The following SMYD3 variants were observed in gnomAD, a reference collection of about 807,000 sequenced individuals.
SMYD3 encodes histone-lysine N-methyltransferase SMYD3.
In SMYD3, 36 loss-of-function variants were observed where a neutral mutation model predicts 57.7. The observed-to-expected ratio is 0.62, with a 90% CI of 0.48 to 0.82. The LOEUF is 0.82. Among genes scored for constraint, SMYD3 ranks in the 40% least tolerant of loss-of-function variants. SMYD3 has a pLI of 0.00. For synonymous variants in SMYD3, 211 were observed against 195.0 expected (o/e 1.08, Z -0.68); for missense variants, 515 against 538.8 (o/e 0.96, Z 0.44).
chr1:246,232,249 CGACACCAGGA>C (rs2063420176), intron 5 of SMYD3, among the ~76,000 whole-genome samples: 1 of 152,032 alleles, frequency 6.6e-6, no homozygotes, highest in African/African-American at 2.4e-5. Flanking sequence ...AAAACGAAGG[CGACACCAGGA>C]GAATTAGGCA....
chr1:245,926,880 C>G (rs975466697), intron 7 of SMYD3, among the ~76,000 whole-genome samples: 75 of 152,176 alleles, frequency 4.9e-4, no homozygotes, highest in African/African-American at 1.7e-3. Context: ...AGAGAAAAAA[C>G]TACATTGTCC....
chr1:246,474,993 C>G (rs2068009387), intron 1 of SMYD3, among the ~76,000 whole-genome samples: 1 of 152,124 alleles, frequency 6.6e-6, no homozygotes, highest in Admixed American at 6.5e-5. Context: ...TCCCCAACTA[C>G]AACCTCACAG....
chr1:246,491,553 A>C (rs1343751555), intron 1 of SMYD3, among the ~76,000 whole-genome samples: 1 of 150,398 alleles, frequency 6.6e-6, no homozygotes, highest in Non-Finnish European at 1.5e-5. Flanking sequence ...ATAAAAAAAA[A>C]AAAAAAAGAG....
At chr1:246,307,878 G>A (rs2065013845) in intron 5 of SMYD3, among the ~76,000 whole-genome samples, 1 of 152,146 alleles carries the variant, frequency 6.6e-6, no homozygotes, top group Non-Finnish European at 1.5e-5. Flanking sequence ...TGAACCAGCA[G>A]CAAGAAGCTC....
intron 10 of SMYD3, among the ~76,000 whole-genome samples, chr1:245,791,119 C>T (rs1456029222): frequency 6.6e-6 from 1 of 152,142 alleles, no homozygotes; most frequent in Non-Finnish European, 1.5e-5. Context: ...AAAGCTACAT[C>T]CCTACCAGAC....
At chr1:245,994,009 T>C (rs1305277265) in intron 5 of SMYD3, among the ~76,000 whole-genome samples, 1 of 152,234 alleles carries the variant, frequency 6.6e-6, no homozygotes, top group African/African-American at 2.4e-5. Context: ...TCGCTTTAGA[T>C]GCATAGAAAA....
intron 5 of SMYD3, among the ~76,000 whole-genome samples, chr1:246,324,645 G>A (rs941835552): frequency 6.6e-6 from 1 of 151,670 alleles, no homozygotes; most frequent in Non-Finnish European, 1.5e-5. Context: ...ATGTTGACCC[G>A]CTTTCCACAG....
At chr1:245,930,712 G>A (rs1164932117) in intron 5 of SMYD3, 1 of 152,212 alleles carries the variant, frequency 6.6e-6, no homozygotes, top group East Asian at 1.9e-4. Flanking sequence ...GAGGAAAAGA[G>A]CAGTGAAGAA....
intron 5 of SMYD3, among the ~76,000 whole-genome samples, chr1:246,246,820 A>G (rs2063711319): frequency 6.7e-6 from 1 of 148,984 alleles, no homozygotes; most frequent in African/African-American, 2.5e-5. Context: ...TAACATTTAC[A>G]CTATATATAT....
intron 10 of SMYD3, among the ~76,000 whole-genome samples, chr1:245,854,603 CT>C (rs2051138726): frequency 6.6e-6 from 1 of 152,120 alleles, no homozygotes; most frequent in African/African-American, 2.4e-5. Flanking sequence ...TTCTCTCTCT[CT>C]CTCTCTTTTT....
chr1:245,843,214 C>T (rs2050489330), intron 10 of SMYD3, among the ~76,000 whole-genome samples: 1 of 152,026 alleles, frequency 6.6e-6, no homozygotes, highest in African/African-American at 2.4e-5. Context: ...GCAACACAGG[C>T]CAGGGATCAC....
At chr1:245,868,663 GA>G (rs1187271827) in intron 8 of SMYD3, among the ~76,000 whole-genome samples, 1 of 152,152 alleles carries the variant, frequency 6.6e-6, no homozygotes, top group Non-Finnish European at 1.5e-5. Context: ...TAAACATTTA[GA>G]AATGATACCT....
chr1:246,448,483 C>A lies in SMYD3; in HGVS notation c.164+58571G>T, dbSNP rs374140790. Among the ~76,000 whole-genome samples, 8 of 152,138 alleles carry A rather than the reference C, an allele frequency of 5.3e-5. No individual in the cohort carries two copies. In the South Asian group the frequency reaches 1.7e-3, roughly 32 times the overall value. On this transcript the variant is annotated intron_variant, in intron 1 of 11. Transcript: ENST00000490107. ...CATATCTACTGAGAGACTAAATAAA[C>A]AAATGGTCAAAGGCCAGATCGTAGG...
At position 246,352,157 on chromosome 1, in the gene SMYD3, A is replaced by G. The variant is rs1424643062; in HGVS notation, c.228+2874T>C. Among the ~76,000 whole-genome samples the G allele has an allele frequency of 3.3e-3, 503 of 150,294 alleles. 18 individuals are homozygous for G. The highest frequency in any genetic ancestry group is 6.8e-3 in the Middle Eastern group (2 of 294). On this transcript the variant is annotated intron_variant, in intron 2 of 11. Coordinates refer to ENST00000490107, the MANE Select transcript of SMYD3 (RefSeq NM_001167740.2). ...GTCTCAAAAAAAAAAAAAAAAAAAA[A>G]AAAAAACATAAAGAAAGAAATGTGA...
At chr1:246,356,387 T>C (rs1271885519) in intron 1 of SMYD3, among the ~76,000 whole-genome samples, 3 of 152,100 alleles carry the variant, frequency 2.0e-5, no homozygotes, top group Non-Finnish European at 4.4e-5. Context: ...AAACAAGCTC[T>C]TTAACACCCC....
intron 5 of SMYD3, among the ~76,000 whole-genome samples, chr1:245,993,637 G>GACAA (rs1265513872): frequency 7.4e-6 from 1 of 134,532 alleles, no homozygotes; most frequent in African/African-American, 3.0e-5. Context: ...TAGATAGACA[G>GACAA]ACAGACAGAC....
intron 2 of SMYD3, among the ~76,000 whole-genome samples, chr1:246,352,152 A>AAAAC (rs2065840899): frequency 6.6e-6 from 1 of 150,642 alleles, no homozygotes; most frequent in Non-Finnish European, 1.5e-5. Context: ...AAAAAAAAAA[A>AAAAC]AAAAAAAAAA....
chr1:246,198,206 C>A (rs971586134), intron 5 of SMYD3, among the ~76,000 whole-genome samples: 1 of 152,168 alleles, frequency 6.6e-6, no homozygotes, highest in Non-Finnish European at 1.5e-5. Flanking sequence ...AAGAACCAGG[C>A]AACATTTGCT....
intron 5 of SMYD3, among the ~76,000 whole-genome samples, chr1:246,036,806 C>T (rs998334264): frequency 3.2e-4 from 48 of 151,288 alleles, no homozygotes; most frequent in African/African-American, 1.1e-3. Context: ...CCTCGTGATC[C>T]GCCCGCCTCG....
Sources: gnomAD v4.1 joint callset for allele counts (sites outside exome capture counted in the v4.1 genomes callset) on GRCh38, gnomAD v4.1.1 for gene constraint, MANE v1.5 for transcripts, NCBI Gene and HGNC (gene_info 2026-07-23, HGNC 2026-07-21) for gene names.